Variants in XKR6 observed in about 807,000 individuals in gnomAD.
XKR6 encodes XK-related protein 6.
In XKR6, 22 loss-of-function variants were observed where a neutral mutation model predicts 56.7. The ratio of observed to expected loss-of-function variants is 0.39; its 90% CI spans 0.28 to 0.55. The LOEUF is 0.55. XKR6 is among the 20% of genes least tolerant of loss of function. XKR6 has a pLI of 0.66. For missense variants in XKR6, 852 were observed against 889.0 expected, an observed-to-expected ratio of 0.96 and a Z score of 0.53; for synonymous variants, 524 against 387.8, an observed-to-expected ratio of 1.35 and a Z score of -4.13.
At chr8:11,110,646 C>T (rs1443928471) in intron 1 of XKR6, among the ~76,000 whole-genome samples, 1 of 152,096 alleles carries the variant, frequency 6.6e-6, no homozygotes, top group South Asian at 2.1e-4. Flanking sequence ...TATGTATCTG[C>T]CCCAGAATGC....
intron 1 of XKR6, among the ~76,000 whole-genome samples, chr8:10,985,766 A>G (rs1470566098): frequency 2.0e-5 from 3 of 152,136 alleles, no homozygotes; most frequent in Non-Finnish European, 2.9e-5. Flanking sequence ...GTATGTCTTT[A>G]TTAGAAGCAT....
intron 1 of XKR6, among the ~76,000 whole-genome samples, chr8:10,991,358 T>C (rs772136742): frequency 2.6e-5 from 4 of 152,336 alleles, no homozygotes; most frequent in Non-Finnish European, 5.9e-5. Flanking sequence ...AGCTTTCCTG[T>C]AGTTGCAACT....
chr8:11,002,662 C>T lies in XKR6; in HGVS notation c.765-77832G>A, dbSNP rs565346762. Among the ~76,000 whole-genome samples the T allele has an allele frequency of 1.6e-4, 25 of 152,346 alleles. 1 individual carries two copies. In the Middle Eastern group the frequency reaches 0.017, roughly 104 times the overall value. ...ACGTGACAAGTCATCATTCTCACCACGCCAACCATGGGATGGCCCAGGCCC... is the reference window on the plus strand; with the variant it reads ...ACGTGACAAGTCATCATTCTCACCATGCCAACCATGGGATGGCCCAGGCCC... On this transcript the variant is annotated intron_variant, in intron 1 of 2. Coordinates refer to ENST00000416569, the MANE Select transcript of XKR6 (RefSeq NM_173683.4).
intron 1 of XKR6, among the ~76,000 whole-genome samples, chr8:10,941,648 G>T (rs1296118089): frequency 6.6e-6 from 1 of 152,222 alleles, no homozygotes; most frequent in Non-Finnish European, 1.5e-5. Context: ...GTGTGGTAGG[G>T]CTGGGCTTCA....
chr8:11,009,437 G>A (rs1798450560), intron 1 of XKR6, among the ~76,000 whole-genome samples: 1 of 152,142 alleles, frequency 6.6e-6, no homozygotes, highest in Non-Finnish European at 1.5e-5. Context: ...CCTGAGCCTG[G>A]GGAAGTTGAG....
In XKR6 at chr8:11,098,286, C is replaced by T. The variant is rs796776178; in HGVS notation, c.764+102290G>A. Among the ~76,000 whole-genome samples, 19 of 152,076 alleles carry T rather than the reference C, an allele frequency of 1.2e-4. 1 individual carries two copies. The highest frequency in any genetic ancestry group is 4.1e-4 in the African/African-American group (17 of 41,468). On this transcript the variant is annotated intron_variant, in intron 1 of 2. Coordinates refer to ENST00000416569, the MANE Select transcript of XKR6 (RefSeq NM_173683.4). ...CACACACATGCACGACACACAGGCG[C>T]GCGCGCACACACACACAAAGTTTGA...
intron 1 of XKR6, among the ~76,000 whole-genome samples, chr8:11,111,067 G>T (rs1798869071): frequency 6.8e-6 from 1 of 147,916 alleles, no homozygotes. Context: ...TGTTAGCCAG[G>T]ATGGTCTCGA....
chr8:10,998,963 G>A (rs1798178188), intron 1 of XKR6, among the ~76,000 whole-genome samples: 1 of 152,180 alleles, frequency 6.6e-6, no homozygotes, highest in Non-Finnish European at 1.5e-5. Flanking sequence ...ATCTCTCCAA[G>A]TCTCAGATTC....
chr8:11,166,214 T>A (rs1011853503), intron 1 of XKR6, among the ~76,000 whole-genome samples: 3 of 152,174 alleles, frequency 2.0e-5, no homozygotes, highest in South Asian at 2.1e-4. Context: ...CTATCCTTCA[T>A]TTTCCAGTGA....
intron 1 of XKR6, among the ~76,000 whole-genome samples, chr8:10,982,586 G>C (rs76556419): frequency 0.047 from 7,219 of 152,264 alleles, 275 homozygotes; most frequent in Non-Finnish European, 0.072. Context: ...GAAATGTTCT[G>C]TTTGCTGTCA....
intron 1 of XKR6, among the ~76,000 whole-genome samples, chr8:11,086,595 T>C (rs1309465110): frequency 6.6e-6 from 1 of 152,172 alleles, no homozygotes; most frequent in Non-Finnish European, 1.5e-5. Flanking sequence ...TAAAAAGCTT[T>C]CAATGACAAT....
chr8:11,076,112 G>C (rs1269394869), intron 1 of XKR6, among the ~76,000 whole-genome samples: 1 of 152,200 alleles, frequency 6.6e-6, no homozygotes, highest in Non-Finnish European at 1.5e-5. Context: ...AAAGAAATGA[G>C]CCCGTCACAA....
chr8:11,179,410 G>C (rs11777918), intron 1 of XKR6, among the ~76,000 whole-genome samples: 5 of 151,970 alleles, frequency 3.3e-5, no homozygotes, highest in African/African-American at 7.3e-5. Flanking sequence ...AAAGTCAAGA[G>C]ATTAAAACCA....
At chr8:10,900,855 A>T (rs199924758) in intron 2 of XKR6, among the ~76,000 whole-genome samples, 51 of 15,382 alleles carry the variant, frequency 3.3e-3, no homozygotes, top group Middle Eastern at 0.026. Flanking sequence ...ATGTGCAATT[A>T]CCTTTTTTTT....
intron 1 of XKR6, among the ~76,000 whole-genome samples, chr8:10,965,162 G>T (rs551882143): frequency 6.6e-6 from 1 of 151,606 alleles, no homozygotes; most frequent in African/African-American, 2.4e-5. Flanking sequence ...CGGGTCCCCT[G>T]GGTCCTGTGG....
At chr8:11,097,740 G>C (rs561878129) in intron 1 of XKR6, among the ~76,000 whole-genome samples, 33 of 147,908 alleles carry the variant, frequency 2.2e-4, no homozygotes, top group Non-Finnish European at 3.6e-4. Flanking sequence ...CCAGGAGGCG[G>C]AGGCTGCAGT....
chr8:11,091,582 G>C (rs980805845), intron 1 of XKR6, among the ~76,000 whole-genome samples: 1 of 152,136 alleles, frequency 6.6e-6, no homozygotes, highest in Non-Finnish European at 1.5e-5. Flanking sequence ...GGGTCCAATG[G>C]TACCATTAAA....
At chr8:11,018,642 G>T (rs1206551020) in intron 1 of XKR6, among the ~76,000 whole-genome samples, 1 of 152,188 alleles carries the variant, frequency 6.6e-6, no homozygotes, top group Non-Finnish European at 1.5e-5. Context: ...ACTTGGGAGG[G>T]ATGGATCCTT....
chr8:11,167,523 G>C (rs1294336949), intron 1 of XKR6, among the ~76,000 whole-genome samples: 2 of 152,186 alleles, frequency 1.3e-5, no homozygotes, highest in African/African-American at 4.8e-5. Context: ...GAGTACAAAT[G>C]AGACATGCAA....
Sources: gnomAD v4.1 joint callset for allele counts (sites outside exome capture counted in the v4.1 genomes callset) on GRCh38, gnomAD v4.1.1 for gene constraint, MANE v1.5 for transcripts, NCBI Gene and HGNC (gene_info 2026-07-23, HGNC 2026-07-21) for gene names.